The following STEEP1 variants were observed in gnomAD, a reference collection of about 807,000 sequenced individuals.
STEEP1 encodes STING1 ER exit protein 1.
Under a neutral mutation model 19.2 loss-of-function variants are expected in STEEP1, and 3 were observed. The ratio of observed to expected loss-of-function variants is 0.16; its 90% CI spans 0.07 to 0.40. STEEP1 has a LOEUF of 0.40. Among genes scored for constraint, STEEP1 ranks in the 10% least tolerant of loss-of-function variants. The pLI is 0.99. For synonymous variants in STEEP1, 46 were observed against 63.7 expected (o/e 0.72, Z 1.32); for missense variants, 54 against 177.1 (o/e 0.30, Z 3.94).
chrX:119,544,206 GAAATA>G (rs887780219), intron 4 of STEEP1, 142 bp downstream of exon 4: 70 of 442,952 alleles, frequency 1.6e-4, no homozygotes, highest in Middle Eastern at 7.6e-4. Flanking sequence ...AAAGAAAAAA[GAAATA>G]AAATAAGAAA....
chrX:119,542,223 C>T (rs909423594), intron 5 of STEEP1, among the ~76,000 whole-genome samples: 2 of 108,548 alleles, frequency 1.8e-5, no homozygotes, highest in Non-Finnish European at 3.8e-5. Context: ...CGCACCAACA[C>T]GCCCGGCTAA....
intron 2 of STEEP1, among the ~76,000 whole-genome samples, chrX:119,546,418 G>C (rs2053205579): frequency 1.0e-5 from 1 of 95,441 alleles, no homozygotes; most frequent in Non-Finnish European, 2.1e-5. Context: ...TCCAGCCTGG[G>C]TGACGGAACG....
chrX:119,545,671 C>T lies in STEEP1; in HGVS notation c.243-167G>A, dbSNP rs996977088. The stretch of plus-strand genomic sequence containing the variant: ...CAGCACTCTGGGAGGCTGAGGCGGG[C>T]GGATCACCTGAGGTCAGGAGTTCGA... On this transcript the variant is annotated intron_variant, in intron 2 of 6. Transcript: ENST00000644802. Among the ~76,000 whole-genome samples, 40 of 110,789 alleles carry T rather than the reference C, an allele frequency of 3.6e-4. No individual in the cohort carries two copies. In the East Asian group the frequency reaches 9.8e-3, roughly 27 times the overall value.
At chrX:119,540,622 T>C (rs2053156146) in intron 6 of STEEP1, among the ~76,000 whole-genome samples, 1 of 112,609 alleles carries the variant, frequency 8.9e-6, no homozygotes, top group African/African-American at 3.2e-5. Context: ...CCACCAGTGC[T>C]TTAAGAAGCA....
intron 2 of STEEP1, among the ~76,000 whole-genome samples, chrX:119,551,114 T>C (rs1187507411): frequency 3.6e-5 from 4 of 111,864 alleles, no homozygotes; most frequent in African/African-American, 1.3e-4. Flanking sequence ...TTGCAAATCA[T>C]ATATATGATA....
intron 1 of STEEP1, among the ~76,000 whole-genome samples, chrX:119,564,471 G>A (rs1329699519): frequency 1.1e-5 from 1 of 92,624 alleles, no homozygotes; most frequent in Non-Finnish European, 2.2e-5. Flanking sequence ...ACTCCAGCCT[G>A]GGCAGCAGAG....
intron 1 of STEEP1, 119 bp downstream of exon 1, chrX:119,565,113 G>A: frequency 9.2e-6 from 10 of 1,082,511 alleles, no homozygotes; most frequent in East Asian, 3.2e-5. Context: ...TAGTCGGAGA[G>A]AGAAAACCCA....
At chrX:119,564,509 G>GA (rs1319057017) in intron 1 of STEEP1, among the ~76,000 whole-genome samples, 1 of 98,249 alleles carries the variant, frequency 1.0e-5, no homozygotes, top group Non-Finnish European at 2.1e-5. Flanking sequence ...AAAAAGGGGG[G>GA]GGGGAAATAC....
At chrX:119,551,705 C>T (rs2053242905) in intron 2 of STEEP1, among the ~76,000 whole-genome samples, 1 of 61,784 alleles carries the variant, frequency 1.6e-5, no homozygotes, top group South Asian at 9.5e-4. Context: ...CAACCTTCAA[C>T]ACAGAAGAAG....
intron 2 of STEEP1, among the ~76,000 whole-genome samples, chrX:119,553,182 G>A (rs2053255967): frequency 2.0e-5 from 2 of 101,733 alleles, no homozygotes; most frequent in African/African-American, 3.5e-5. Context: ...AAACAGAAAC[G>A]AAATCTCTGA....
At chrX:119,562,964 G>T (rs909631067) in intron 1 of STEEP1, among the ~76,000 whole-genome samples, 3 of 111,099 alleles carry the variant, frequency 2.7e-5, no homozygotes, top group African/African-American at 9.8e-5. Flanking sequence ...AAAGGCACTG[G>T]GGGGCAGGAA....
intron 1 of STEEP1, among the ~76,000 whole-genome samples, 180 bp from the exon 2 acceptor site, chrX:119,560,565 G>A (rs1420195851): frequency 8.9e-6 from 1 of 112,222 alleles, no homozygotes; most frequent in African/African-American, 3.2e-5. Context: ...GCTATCAGGA[G>A]ACCTTGGTAT....
At position 119,548,482 on chromosome X, in the gene STEEP1, C is replaced by T. The variant is rs766507809; in HGVS notation, c.243-2978G>A. ...CCGGGAGGTAGAGGTTGCAGTGAACCGAGATTGCACCACTGCACTCCAGCC... is the reference window on the plus strand; with the variant it reads ...CCGGGAGGTAGAGGTTGCAGTGAACTGAGATTGCACCACTGCACTCCAGCC... On this transcript the variant is annotated intron_variant, in intron 2 of 6. Transcript: ENST00000644802. 9.7e-4 allele frequency among the ~76,000 whole-genome samples: 87 copies of T among 89,649 alleles called. 1 individual carries two copies. The highest frequency in any genetic ancestry group is 1.7e-3 in the Non-Finnish European group (82 of 48,207). 77.8% of individuals were successfully genotyped at this position (89,649 alleles called of 115,157 possible).
Position 119,560,473 on chromosome X carries a change from G to C in STEEP1, c.125-88C>G, listed in dbSNP as rs72607659. On this transcript the variant is annotated intron_variant, in intron 1 of 6. Transcript: ENST00000644802. ...AAAATATCCTGAGAAGTTTTGAGTGGGATCCCTAGCACTAGAATTTTCTAC... is the reference window on the plus strand; with the variant it reads ...AAAATATCCTGAGAAGTTTTGAGTGCGATCCCTAGCACTAGAATTTTCTAC... The C allele has an allele frequency of 3.7e-3, 2,148 of 580,038 alleles. 60 individuals carry two copies. The East Asian group carries it at 0.063, about 17-fold the overall frequency. 47.8% of individuals were successfully genotyped at this position (580,038 alleles called of 1,213,427 possible).
At chrX:119,542,055 C>CTTTTTTTTTTTTTTTTTTTT (rs201339708) in intron 5 of STEEP1, among the ~76,000 whole-genome samples, 10 of 82,924 alleles carry the variant, frequency 1.2e-4, no homozygotes, top group Non-Finnish European at 2.3e-4. Flanking sequence ...CTTTTCTTTT[C>CTTTTTTTTTTTTTTTTTTTT]TTTTTTTTTT....
intron 4 of STEEP1, among the ~76,000 whole-genome samples, chrX:119,542,932 C>T (rs1194421949): frequency 1.0e-5 from 1 of 98,373 alleles, no homozygotes; most frequent in African/African-American, 3.9e-5. Flanking sequence ...TCCCACGTAG[C>T]TAGGATTACA....
intron 6 of STEEP1, among the ~76,000 whole-genome samples, chrX:119,541,066 A>G (rs1445388196): frequency 9.0e-6 from 1 of 111,403 alleles, no homozygotes; most frequent in Non-Finnish European, 1.9e-5. Context: ...AAATAAATAA[A>G]ATAAAAATAA....
rs1174331632 is a variant in STEEP1, at chrX:119,539,629, C to T, written c.*98G>A. 1.6e-6 allele frequency: 1 copy of T among 625,436 alleles called. No homozygotes were observed. The highest frequency in any genetic ancestry group is 2.2e-5 in the African/African-American group (1 of 45,391). The allele number at this position is 625,436 out of a possible 1,213,427, so 51.5% of individuals were successfully genotyped here. On this transcript the variant is annotated 3_prime_UTR_variant, in exon 7 of 7. Transcript: ENST00000644802. ...ATGGGAAACAACGTAAAGCCTTCTG[C>T]TAGGGCATAAATAGGAATCCGTCTA...
intron 2 of STEEP1, among the ~76,000 whole-genome samples, chrX:119,550,141 G>A (rs188321586): frequency 5.0e-4 from 56 of 112,194 alleles, no homozygotes; most frequent in African/African-American, 1.7e-3. Flanking sequence ...AATATTCCTC[G>A]AATGAATTTC....
Sources: allele counts gnomAD v4.1 joint callset (sites outside exome capture counted in the v4.1 genomes callset), GRCh38; gene constraint gnomAD v4.1.1; transcripts MANE v1.5; gene names NCBI Gene and HGNC (gene_info 2026-07-23, HGNC 2026-07-21).